Variants in POTED observed in about 807,000 individuals in gnomAD.
POTED encodes ANKRD26-like family B member 3.
In POTED, 7 loss-of-function variants were observed where a neutral mutation model predicts 19.0. The observed-to-expected ratio is 0.37, with a 90% CI of 0.21 to 0.69. The LOEUF (loss-of-function observed/expected upper bound fraction) is 0.69, where lower values mean the gene tolerates loss of function less well. Ranked by LOEUF, POTED falls within the 30% of genes least tolerant of loss-of-function variation. The probability of loss-of-function intolerance (pLI) is 0.56; values close to 1 mark genes in which losing one functional copy is unlikely to be tolerated. For missense variants in POTED, 54 were observed against 278.5 expected, an observed-to-expected ratio of 0.19 and a Z score of 5.74; for synonymous variants, 16 against 92.0, an observed-to-expected ratio of 0.17 and a Z score of 4.73.
rs1361128405 is a variant in POTED, at chr21:13,611,257, T to G, written c.521+508T>G. ...TATCTTTGAATAGGAAGGTTCGTTT[T>G]TCTTAAGATGTGAGCTTTTTCTGTG... is the stretch of plus-strand genomic sequence containing the variant. On this transcript the variant is annotated intron_variant, in intron 1 of 10. Coordinates refer to ENST00000299443, the MANE Select transcript of POTED (RefSeq NM_174981.6). Among the ~76,000 whole-genome samples, 2 of 80,490 alleles carry G rather than the reference T, an allele frequency of 2.5e-5. 1 individual carries two copies. Among genetic ancestry groups the G allele is most frequent in the Non-Finnish European group, 4.4e-5 (2 of 45,924 alleles). 52.8% of individuals were successfully genotyped at this position (80,490 alleles called of 152,430 possible).
In POTED at chr21:13,645,186, G is replaced by C. The variant is rs1221134414; in HGVS notation, c.*3620G>C. On this transcript the variant is annotated 3_prime_UTR_variant, in exon 11 of 11. Coordinates refer to ENST00000299443, the MANE Select transcript of POTED (RefSeq NM_174981.6). ...AAACACATTTCAGAATATCATTCAT[G>C]AGAATGTCCCCAACCTAGCCAGACA... 7.5e-6 allele frequency among the ~76,000 whole-genome samples: 1 copy of C among 133,036 alleles called. No individual in the cohort carries two copies. Among genetic ancestry groups the C allele is most frequent in the Non-Finnish European group, 1.6e-5 (1 of 61,454 alleles). 87.3% of individuals were successfully genotyped at this position (133,036 alleles called of 152,430 possible). A position where few individuals can be genotyped will look rare whatever the true frequency, so the allele number is the denominator to read the frequency against.
At position 13,629,738 on chromosome 21, in the gene POTED, A is replaced by C. The variant is rs2011202693; in HGVS notation, c.1198-118A>C. 2 of 106,380 alleles carry C rather than the reference A, an allele frequency of 1.9e-5. 1 individual carries two copies. The highest frequency in any genetic ancestry group is 7.0e-4 in the South Asian group (2 of 2,854). The allele number at this position is 106,380 out of a possible 1,614,324, so 6.6% of individuals were successfully genotyped here. ...CAGTTAAATTTTATTTTATTTTCTA[A>C]TTTTTCATGTCCATACTTGATTACT... On this transcript the variant is annotated intron_variant, in intron 7 of 10. Coordinates refer to ENST00000299443, the MANE Select transcript of POTED (RefSeq NM_174981.6).
rs2011308951 is a variant in POTED, at chr21:13,645,573, G to T, written c.*4007G>T. On this transcript the variant is annotated 3_prime_UTR_variant, in exon 11 of 11. Transcript: ENST00000299443. ...CCAGACCTACCTTACAAGAGCTCCT[G>T]AAGGAAGCACTAAATATGGAAAGAA... Among the ~76,000 whole-genome samples the T allele has an allele frequency of 8.1e-6, 1 of 123,108 alleles. No individual in the cohort carries two copies. Among genetic ancestry groups the T allele is most frequent in the Non-Finnish European group, 1.7e-5 (1 of 58,532 alleles). The allele number at this position is 123,108 out of a possible 152,430, so 80.8% of individuals were successfully genotyped here. A position where few individuals can be genotyped will look rare whatever the true frequency, so the allele number is the denominator to read the frequency against.
intron 10 of POTED, 98 bp downstream of exon 10, chr21:13,639,736 A>C: frequency 1.7e-6 from 1 of 585,386 alleles, no homozygotes; most frequent in Non-Finnish European, 2.3e-6. Context: ...TCACATATAT[A>C]CACACGTGTG....
At chr21:13,624,091 A>G (rs1383293168) in intron 6 of POTED, among the ~76,000 whole-genome samples, 6 of 59,494 alleles carry the variant, frequency 1.0e-4, no homozygotes, top group Non-Finnish European at 1.1e-4. Flanking sequence ...CAGAACACAC[A>G]CAATTAAAAA....
rs1473677014 is a variant in POTED at position 13,633,430 on chromosome 21, TCTC to T, written c.1409+2328_1409+2330del. ...GCAATATTTGAGGCAATGGAGGACA[TCTC>T]CTCCCTAACGGCGTCTTCACTTGGC... On this transcript the variant is annotated intron_variant, in intron 9 of 10. Coordinates refer to ENST00000299443, the MANE Select transcript of POTED (RefSeq NM_174981.6). Among the ~76,000 whole-genome samples the T allele has an allele frequency of 4.1e-5, 3 of 73,874 alleles. 1 individual carries two copies. The highest frequency in any genetic ancestry group is 7.0e-5 in the Non-Finnish European group (3 of 43,040). The allele number at this position is 73,874 out of a possible 152,430, so 48.5% of individuals were successfully genotyped here. A position where few individuals can be genotyped will look rare whatever the true frequency, so the allele number is the denominator to read the frequency against.
rs2011309622 is a variant in POTED, at chr21:13,645,613, C to A, written c.*4047C>A. Among the ~76,000 whole-genome samples the A allele has an allele frequency of 9.8e-6, 1 of 102,554 alleles. No individual in the cohort carries two copies. Among genetic ancestry groups the A allele is most frequent in the African/African-American group, 5.3e-5 (1 of 18,764 alleles). The allele number at this position is 102,554 out of a possible 152,430, so 67.3% of individuals were successfully genotyped here. On this transcript the variant is annotated 3_prime_UTR_variant, in exon 11 of 11. Transcript: ENST00000299443. ...TATGGAAAGAAAAGACCACCACCAG[C>A]CACTACAGAAACACACTGAAGTACA...
In POTED at chr21:13,611,130, T is replaced by C. The variant is rs1241921477; in HGVS notation, c.521+381T>C. Among the ~76,000 whole-genome samples the C allele has an allele frequency of 2.5e-5, 2 of 79,262 alleles. 1 individual carries two copies. The highest frequency in any genetic ancestry group is 7.3e-4 in the South Asian group (2 of 2,736). The allele number at this position is 79,262 out of a possible 152,430, so 52.0% of individuals were successfully genotyped here. ...TATCAACTTCTGGGCTAAATATCTT[T>C]CAAATAAAATCCAATATGGATTTTA... On this transcript the variant is annotated intron_variant, in intron 1 of 10. Coordinates refer to ENST00000299443, the MANE Select transcript of POTED (RefSeq NM_174981.6).
At chr21:13,637,006 T>TATATATATATATATATATA (rs1568899102) in intron 9 of POTED, among the ~76,000 whole-genome samples, 24 of 9,952 alleles carry the variant, frequency 2.4e-3, no homozygotes, top group Admixed American at 0.023. Flanking sequence ...ATATATATAT[T>TATATATATATATATATATA]TTTTTTTTTT....
At chr21:13,631,173 A>C in intron 9 of POTED, 66 bp downstream of exon 9, 4 of 762,946 alleles carry the variant, frequency 5.2e-6, no homozygotes, top group Non-Finnish European at 7.2e-6. Flanking sequence ...AATTTGGGCT[A>C]ATATTCATGA....
chr21:13,610,214 G>A lies in POTED; in HGVS notation c.-15G>A, dbSNP rs199819577. ...CTGTTCGCTACTACCGGCCTCCCCT[G>A]GCTGTTAAAAGCAGATGGTGGCTGA... On this transcript the variant is annotated 5_prime_UTR_variant, in exon 1 of 11. Coordinates refer to ENST00000299443, the MANE Select transcript of POTED (RefSeq NM_174981.6). The A allele has an allele frequency of 2.1e-3, 757 of 353,616 alleles. 254 individuals are homozygous for A. The Middle Eastern group carries it at 0.022, about 10-fold the overall frequency. The allele number at this position is 353,616 out of a possible 1,614,324, so 21.9% of individuals were successfully genotyped here.
chr21:13,627,567 A>G lies in POTED; in HGVS notation c.1127-815A>G, dbSNP rs1331344948. Among the ~76,000 whole-genome samples the G allele has an allele frequency of 2.3e-5, 2 of 85,794 alleles. 1 individual carries two copies. Among genetic ancestry groups the G allele is most frequent in the Non-Finnish European group, 4.2e-5 (2 of 47,736 alleles). The allele number at this position is 85,794 out of a possible 152,430, so 56.3% of individuals were successfully genotyped here. On this transcript the variant is annotated intron_variant, in intron 6 of 10. Coordinates refer to ENST00000299443, the MANE Select transcript of POTED (RefSeq NM_174981.6). ...GGTGTCAGTAGTAATTTTGGAAATCATTTGTAAGGTACTATTGTTGCAGAA... is the reference window on the plus strand; with the variant it reads ...GGTGTCAGTAGTAATTTTGGAAATCGTTTGTAAGGTACTATTGTTGCAGAA...
Position 13,609,798 on chromosome 21 carries a change from T to G in POTED, c.-431T>G. On this transcript the variant is annotated 5_prime_UTR_variant, in exon 1 of 11. It removes an upstream start codon present in the reference 5' UTR. Transcript: ENST00000299443. ...ACATGACGGCTTGGCTTACCTGTAA[T>G]GGGTGCGCTTCGCTTTGCGTTCCTC... The G allele has an allele frequency of 7.7e-6, 1 of 129,132 alleles. No homozygotes were observed. The highest frequency in any genetic ancestry group is 8.7e-5 in the African/African-American group (1 of 11,520). The allele number at this position is 129,132 out of a possible 1,614,324, so 8.0% of individuals were successfully genotyped here. A position where few individuals can be genotyped will look rare whatever the true frequency, so the allele number is the denominator to read the frequency against.
chr21:13,626,393 T>G (rs1021712388), intron 6 of POTED, among the ~76,000 whole-genome samples: 1 of 51,184 alleles, frequency 2.0e-5, no homozygotes, highest in Non-Finnish European at 3.2e-5. Context: ...TTCCAAGTGT[T>G]CATGAGAATT....
intron 6 of POTED, among the ~76,000 whole-genome samples, chr21:13,627,452 A>C (rs1601485858): frequency 1.0e-5 from 1 of 95,896 alleles, no homozygotes; most frequent in East Asian, 5.0e-4. Context: ...AAACAAAAAA[A>C]CAAAAAAAAA....
chr21:13,614,025 C>T (rs2011150503), intron 1 of POTED, among the ~76,000 whole-genome samples: 1 of 103,962 alleles, frequency 9.6e-6, no homozygotes, highest in Non-Finnish European at 1.9e-5. Context: ...CCTTGGCACA[C>T]GTTTACCTAT....
Position 13,643,238 on chromosome 21 carries a change from G to T in POTED, c.*1672G>T, listed in dbSNP as rs1481189971. On this transcript the variant is annotated 3_prime_UTR_variant, in exon 11 of 11. Coordinates refer to ENST00000299443, the MANE Select transcript of POTED (RefSeq NM_174981.6). ...AGTAACTGCTAACTTACACCTCTCT[G>T]GGGTGGAGCCCCCAGGAGACAAGGA... is the stretch of plus-strand genomic sequence containing the variant. Among the ~76,000 whole-genome samples, 1 of 21,238 alleles carries T rather than the reference G, an allele frequency of 4.7e-5. No individual in the cohort carries two copies. Among genetic ancestry groups the T allele is most frequent in the Non-Finnish European group, 7.0e-5 (1 of 14,388 alleles). The allele number at this position is 21,238 out of a possible 152,430, so 13.9% of individuals were successfully genotyped here. A position where few individuals can be genotyped will look rare whatever the true frequency, so the allele number is the denominator to read the frequency against.
intron 9 of POTED, among the ~76,000 whole-genome samples, chr21:13,637,016 T>A: frequency 2.1e-4 from 5 of 24,236 alleles, no homozygotes; most frequent in Admixed American, 4.9e-4. Flanking sequence ...TTTTTTTTTT[T>A]TTTCTTTATT....
rs1455941117 is a variant in POTED, at chr21:13,636,451, C to T, written c.1410-3064C>T. ...GTTCACTTTCTTCTCAGTACAATAA[C>T]GGTGATATTCTTATACATCTTTACC... On this transcript the variant is annotated intron_variant, in intron 9 of 10. Coordinates refer to ENST00000299443, the MANE Select transcript of POTED (RefSeq NM_174981.6). Among the ~76,000 whole-genome samples the T allele has an allele frequency of 8.9e-5, 7 of 78,920 alleles. 2 individuals carry two copies. The highest frequency in any genetic ancestry group is 5.9e-4 in the African/African-American group (6 of 10,152). 51.8% of individuals were successfully genotyped at this position (78,920 alleles called of 152,430 possible). A position where few individuals can be genotyped will look rare whatever the true frequency, so the allele number is the denominator to read the frequency against.
Sources: gnomAD v4.1 joint callset for allele counts (sites outside exome capture counted in the v4.1 genomes callset) on GRCh38, gnomAD v4.1.1 for gene constraint, MANE v1.5 for transcripts, NCBI Gene and HGNC (gene_info 2026-07-23, HGNC 2026-07-21) for gene names.